Variants in INCENP observed in about 807,000 individuals in gnomAD.
INCENP encodes binds and activates aurora-B and -C in vivo and in vitro.
INCENP carries 43 observed loss-of-function variants against 107.3 expected under a neutral mutation model. The observed-to-expected ratio is 0.40, with a 90% CI of 0.31 to 0.52. The LOEUF (loss-of-function observed/expected upper bound fraction) is 0.52, where lower values mean the gene tolerates loss of function less well. Ranked by LOEUF, INCENP falls within the 20% of genes least tolerant of loss-of-function variation. The pLI is 0.53. For synonymous variants in INCENP, 488 were observed against 494.4 expected (o/e 0.99, Z 0.17); for missense variants, 1,089 against 1,250.9 (o/e 0.87, Z 1.95).
At chr11:62,138,088 G>A (rs1679559268) in intron 5 of INCENP, 7 of 607,018 alleles carry the variant, frequency 1.2e-5, no homozygotes, top group Admixed American at 2.7e-5. Context: ...ACCCGTCAGC[G>A]TTGCTGGTTG....
rs1473125963 is a variant in INCENP at position 62,128,224 on chromosome 11, G to A, written c.63G>A (p.Glu21=). Residue 21 remains glutamate, a synonymous_variant, in exon 2 of 19, where the codon GAG becomes GAA. Coordinates refer to ENST00000394818, the MANE Select transcript of INCENP (RefSeq NM_001040694.2). ...LLELCDQKLM[E]FLCNMDNKDL... ...AGCTATGTGACCAGAAGCTCATGGA[G>A]TTTCTCTGCAACATGGATAATAAGG... 1.2e-6 allele frequency: 2 copies of A among 1,614,102 alleles called. No homozygotes were observed. The highest frequency in any genetic ancestry group is 1.7e-5 in the Admixed American group (1 of 60,008).
chr11:62,149,302 A>C (rs1944323157), intron 17 of INCENP, among the ~76,000 whole-genome samples: 1 of 152,066 alleles, frequency 6.6e-6, no homozygotes, highest in South Asian at 2.1e-4. Flanking sequence ...TGTCTATTTC[A>C]ACACAGGTCA....
At position 62,146,696 on chromosome 11, in the gene INCENP, G is replaced by T. The variant is rs752608592; in HGVS notation, c.1998G>T (p.Lys666Asn). ...EERRHQELLQ[K>N]KKEEEQERLR... ...GGCGGCACCAAGAGCTGCTGCAGAA[G>T]AAGAAGGAAGAGGAGCAGGAGCGGC... The change falls in exon 15 of 19, where the codon AAG (lysine) becomes AAT (asparagine). Residue 666 changes from lysine (K) to asparagine (N), a missense_variant. Lys to Asn is a moderately conservative substitution (Grantham distance 94, BLOSUM62 0). Coordinates refer to ENST00000394818, the MANE Select transcript of INCENP (RefSeq NM_001040694.2). The T allele has an allele frequency of 1.3e-6, 2 of 1,550,922 alleles. No individual in the cohort carries two copies. Among genetic ancestry groups the T allele is most frequent in the South Asian group, 2.4e-5 (2 of 84,040 alleles).
In INCENP at chr11:62,140,245, G is replaced by T. The variant is rs1944085169; in HGVS notation, c.1303G>T (p.Asp435Tyr). ...TGCTGTCTTCACAGAGGCCAAGACG[G>T]ACCAAGCAGATGGACCCAGAGAGCC... Reference protein sequence around the residue: ...PSAGQQEAKTDQADGPREPPQ... With the variant: ...PSAGQQEAKTYQADGPREPPQ... Residue 435 changes from aspartate to tyrosine, a missense_variant, in exon 8 of 19, where the codon GAC becomes TAC. Coordinates refer to ENST00000394818, the MANE Select transcript of INCENP (RefSeq NM_001040694.2). 6.2e-7 allele frequency: 1 copy of T among 1,613,610 alleles called. No individual in the cohort carries two copies. Among genetic ancestry groups the T allele is most frequent in the Non-Finnish European group, 8.5e-7 (1 of 1,179,934 alleles).
intron 6 of INCENP, 31 bp from the exon 7 acceptor site, chr11:62,138,857 A>C (rs749565000): frequency 1.2e-6 from 2 of 1,604,946 alleles, no homozygotes. Flanking sequence ...GTTCCAGGTC[A>C]AGACCCCTAA....
chr11:62,140,213 C>CTGAAAT, intron 7 of INCENP, 21 bp from the exon 8 acceptor site: 1 of 1,612,426 alleles, frequency 6.2e-7, no homozygotes, highest in Non-Finnish European at 8.5e-7. Flanking sequence ...TGCAGCCTTG[C>CTGAAAT]TGAAATTGCT....
In INCENP at chr11:62,136,744, C is replaced by T. The variant is rs148598388; in HGVS notation, c.1064-1088C>T. On this transcript the variant is annotated intron_variant, in intron 4 of 18. Coordinates refer to ENST00000394818, the MANE Select transcript of INCENP (RefSeq NM_001040694.2). The stretch of plus-strand genomic sequence containing the variant: ...AAGGACATTCCTCAGTGAAACTGGA[C>T]ATCTCTCCTTCCCGTGAGTGTGTGG... 2.3e-3 allele frequency among the ~76,000 whole-genome samples: 353 copies of T among 152,312 alleles called. 4 individuals are homozygous for T. Among genetic ancestry groups the T allele is most frequent in the African/African-American group, 8.0e-3 (332 of 41,576 alleles).
At chr11:62,145,359 G>A in intron 13 of INCENP, 70 bp downstream of exon 13, 1 of 1,595,206 alleles carries the variant, frequency 6.3e-7, no homozygotes, top group Non-Finnish European at 8.5e-7. Flanking sequence ...GGACCCCTCA[G>A]GAAATTGCAG....
chr11:62,139,056 T>C lies in INCENP; in HGVS notation c.1291+51T>C, dbSNP rs768095212. On this transcript the variant is annotated intron_variant, in intron 7 of 18. Transcript: ENST00000394818. The stretch of plus-strand genomic sequence containing the variant: ...CAGTGCCCGGAGCCACAGCGGGCCT[T>C]GGCGGCCTCGGCCTGACCTTCTCTC... 5.1e-6 allele frequency: 7 copies of C among 1,359,656 alleles called. No homozygotes were observed. The South Asian group carries it at 5.8e-5, about 11-fold the overall frequency. The allele number at this position is 1,359,656 out of a possible 1,614,324, so 84.2% of individuals were successfully genotyped here. A position where few individuals can be genotyped will look rare whatever the true frequency, so the allele number is the denominator to read the frequency against.
At position 62,130,452 on chromosome 11, in the gene INCENP, G is replaced by T. The variant is rs780332581; in HGVS notation, c.925G>T (p.Ala309Ser). Residue 309 changes from alanine (A) to serine (S), a missense_variant, in exon 4 of 19, where the codon GCC becomes TCC. Ala to Ser is a moderately conservative substitution (Grantham distance 99). Coordinates refer to ENST00000394818, the MANE Select transcript of INCENP (RefSeq NM_001040694.2). ...DSQSVRHSPI[A>S]PSSPSPQVLA... is the part of the protein sequence containing the mutation. ...TCAATCGGTGCGGCACAGCCCGATC[G>T]CCCCGTCTTCCCCGAGTCCCCAAGT... 2 of 1,614,018 alleles carry T rather than the reference G, an allele frequency of 1.2e-6. No homozygotes were observed. Among genetic ancestry groups the T allele is most frequent in the Non-Finnish European group, 1.7e-6 (2 of 1,180,034 alleles).
Position 62,152,924 on chromosome 11 carries a change from C to CGG in INCENP, c.*950_*951dup. On this transcript the variant is annotated 3_prime_UTR_variant, in exon 19 of 19. Coordinates refer to ENST00000394818, the MANE Select transcript of INCENP (RefSeq NM_001040694.2). ...ATGCATATATCTGCTACTGTAGCCC[C>CGG]GGGTTGTCAAACTATGGCCTGTGGG... 6.6e-6 allele frequency: 1 copy of CGG among 152,342 alleles called. No homozygotes were observed. Among genetic ancestry groups the CGG allele is most frequent in the Middle Eastern group, 3.4e-3 (1 of 294 alleles). 9.4% of individuals were successfully genotyped at this position (152,342 alleles called of 1,614,324 possible).
At position 62,145,737 on chromosome 11, in the gene INCENP, A is replaced by G; in HGVS notation, c.1945A>G (p.Arg649Gly). Reference protein sequence around the residue: ...RKQEEEARRLRWLQQEEEERR... With the variant: ...RKQEEEARRLGWLQQEEEERR... Reference sequence around the variant, plus strand: ...GCAGGAAGAGGAGGCACGTAGGCTCAGGTGGCTGCAGCAGGTGCGAGCACA... The same window carrying G: ...GCAGGAAGAGGAGGCACGTAGGCTCGGGTGGCTGCAGCAGGTGCGAGCACA... The change falls in exon 14 of 19, where the codon AGG becomes GGG. Residue 649 changes from arginine to glycine, a missense_variant. Coordinates refer to ENST00000394818, the MANE Select transcript of INCENP (RefSeq NM_001040694.2). 1 of 1,553,494 alleles carries G rather than the reference A, an allele frequency of 6.4e-7. No individual in the cohort carries two copies.
At chr11:62,129,713 C>T in intron 3 of INCENP, 69 bp from the exon 4 acceptor site, 1 of 1,293,976 alleles carries the variant, frequency 7.7e-7, no homozygotes, top group Non-Finnish European at 1.1e-6. Flanking sequence ...AAGCTGGTGG[C>T]TCTTGGAGAG....
At chr11:62,138,806 C>G in intron 6 of INCENP, 36 bp downstream of exon 6, 1 of 1,610,482 alleles carries the variant, frequency 6.2e-7, no homozygotes. Flanking sequence ...GGACTCACCT[C>G]TGGGGCTCCC....
chr11:62,129,306 C>T (rs769343895), intron 3 of INCENP, among the ~76,000 whole-genome samples: 3 of 151,792 alleles, frequency 2.0e-5, no homozygotes, highest in African/African-American at 7.3e-5. Flanking sequence ...GGGAAAGAGG[C>T]TGGGTCTTGG....
chr11:62,129,117 T>C (rs1675132), intron 3 of INCENP, among the ~76,000 whole-genome samples: 1 of 151,734 alleles, frequency 6.6e-6, no homozygotes, highest in Non-Finnish European at 1.5e-5. Context: ...TGGGGGTGGG[T>C]GTGTTTGATC....
intron 11 of INCENP, among the ~76,000 whole-genome samples, chr11:62,142,146 C>A (rs1944138788): frequency 6.6e-6 from 1 of 152,206 alleles, no homozygotes; most frequent in Admixed American, 6.5e-5. Context: ...GCCCCAGCTC[C>A]CTGTGCCATT....
intron 18 of INCENP, among the ~76,000 whole-genome samples, chr11:62,150,907 G>GAGGGGTGCAGACGCC (rs1349266385): frequency 6.6e-6 from 1 of 152,158 alleles, no homozygotes; most frequent in East Asian, 1.9e-4. Flanking sequence ...AGAGGGAAGG[G>GAGGGGTGCAGACGCC]CCTGGAATCC....
chr11:62,129,155 C>T (rs1465279911), intron 3 of INCENP, among the ~76,000 whole-genome samples: 1 of 152,090 alleles, frequency 6.6e-6, no homozygotes, highest in Non-Finnish European at 1.5e-5. Context: ...GAAAGATTTC[C>T]GTAGGTGGGA....
Sources: allele counts gnomAD v4.1 joint callset (sites outside exome capture counted in the v4.1 genomes callset), GRCh38; gene constraint gnomAD v4.1.1; transcripts MANE v1.5; gene names NCBI Gene and HGNC (gene_info 2026-07-23, HGNC 2026-07-21).